Variants in ITGB3BP observed in about 807,000 individuals in gnomAD.
ITGB3BP encodes the protein centromere protein R.
ITGB3BP carries 27 observed loss-of-function variants against 29.1 expected under a neutral mutation model. That is an observed-to-expected ratio of 0.93 (90% CI 0.68 to 1.28). ITGB3BP has a LOEUF of 1.28. Ranked by LOEUF, ITGB3BP falls within the 50% of genes most tolerant of loss-of-function variation. ITGB3BP has a pLI of 0.00. For synonymous variants in ITGB3BP, 61 were observed against 61.4 expected (o/e 0.99, Z 0.03); for missense variants, 192 against 200.2 (o/e 0.96, Z 0.25).
intron 2 of ITGB3BP, among the ~76,000 whole-genome samples, chr1:63,503,094 A>T (rs1024182814): frequency 2.6e-5 from 4 of 152,118 alleles, no homozygotes; most frequent in Non-Finnish European, 4.4e-5. Context: ...CGCCACACTG[A>T]CTTCCACAAT....
intron 2 of ITGB3BP, among the ~76,000 whole-genome samples, chr1:63,499,505 A>T (rs1316329250): frequency 1.3e-5 from 2 of 152,176 alleles, no homozygotes; most frequent in Non-Finnish European, 2.9e-5. Context: ...CTCCAAAAAT[A>T]TGAGGAAACA....
chr1:63,517,893 C>T (rs553522318), intron 1 of ITGB3BP, among the ~76,000 whole-genome samples: 1 of 152,064 alleles, frequency 6.6e-6, no homozygotes, highest in South Asian at 2.1e-4. Flanking sequence ...TGTTAATTTT[C>T]ATATTTTTTC....
At chr1:63,446,913 C>T in intron 7 of ITGB3BP, 57 bp from the exon 8 acceptor site, 1 of 1,241,220 alleles carries the variant, frequency 8.1e-7, no homozygotes. Context: ...CAACTTGCCA[C>T]AGTATATGAT....
intron 7 of ITGB3BP, among the ~76,000 whole-genome samples, chr1:63,453,368 C>G (rs9436234): frequency 0.98 from 148,791 of 152,274 alleles, 72,799 homozygotes; most frequent in Middle Eastern, 1. Context: ...AAAGGTTTTG[C>G]TATTTTACAG....
chr1:63,499,321 G>T (rs1023395814), intron 2 of ITGB3BP, among the ~76,000 whole-genome samples: 3 of 151,930 alleles, frequency 2.0e-5, no homozygotes, highest in African/African-American at 7.3e-5. Flanking sequence ...GGCTAATTTT[G>T]TATTTTTTAG....
rs1270036854 is a variant in ITGB3BP, at chr1:63,473,111, G to A, written c.254+5653C>T. Among the ~76,000 whole-genome samples, 5 of 151,180 alleles carry A rather than the reference G, an allele frequency of 3.3e-5. No individual in the cohort carries two copies. In the East Asian group the frequency reaches 9.9e-4, roughly 30 times the overall value. The stretch of plus-strand genomic sequence containing the variant: ...CCGCCCATCGTCTGAGATGTGGGGA[G>A]CACCTCTGCCCTGCCGCCCTGTCTG... On this transcript the variant is annotated intron_variant, in intron 4 of 8. Transcript: ENST00000271002.
chr1:63,475,795 C>T (rs1485840018), intron 4 of ITGB3BP, among the ~76,000 whole-genome samples: 1 of 151,676 alleles, frequency 6.6e-6, no homozygotes, highest in Non-Finnish European at 1.5e-5. Flanking sequence ...GTCAGGAGTT[C>T]GAGACTAGTC....
Position 63,454,038 on chromosome 1 carries a change from G to T in ITGB3BP, c.428-64C>A. The T allele has an allele frequency of 1.2e-6, 1 of 862,802 alleles. No homozygotes were observed. The highest frequency in any genetic ancestry group is 1.7e-5 in the African/African-American group (1 of 59,092). The allele number at this position is 862,802 out of a possible 1,614,324, so 53.4% of individuals were successfully genotyped here. A position where few individuals can be genotyped will look rare whatever the true frequency, so the allele number is the denominator to read the frequency against. On this transcript the variant is annotated intron_variant, in intron 6 of 8. Coordinates refer to ENST00000271002, the MANE Select transcript of ITGB3BP (RefSeq NM_014288.5). The surrounding 1 kb of genome is among the most constrained non-coding windows in gnomAD (Gnocchi z 4.1). ...GAATATGGATAATTTCTCAATACTT[G>T]CAACAAACAACTTCATGAGAAAAAA...
At chr1:63,485,205 C>A (rs902546622) in intron 3 of ITGB3BP, among the ~76,000 whole-genome samples, 3 of 152,040 alleles carry the variant, frequency 2.0e-5, no homozygotes, top group Non-Finnish European at 4.4e-5. Flanking sequence ...TAAGTGCTTT[C>A]TGTGTATTAA....
chr1:63,463,102 C>T (rs1263178704), intron 4 of ITGB3BP, among the ~76,000 whole-genome samples: 2 of 151,862 alleles, frequency 1.3e-5, no homozygotes, highest in South Asian at 2.1e-4. Context: ...AAAAACTAGC[C>T]AGGCATGGTG....
chr1:63,463,216 T>A (rs1570154037), intron 4 of ITGB3BP, among the ~76,000 whole-genome samples: 2 of 115,922 alleles, frequency 1.7e-5, no homozygotes, highest in Admixed American at 2.6e-4. Context: ...GCCATTGCAC[T>A]CCAGCATGGG....
chr1:63,519,986 A>G (rs1366682363), intron 1 of ITGB3BP, among the ~76,000 whole-genome samples: 1 of 152,146 alleles, frequency 6.6e-6, no homozygotes, highest in Non-Finnish European at 1.5e-5. Flanking sequence ...CATAGCTTGG[A>G]ACAGAATAAA....
rs191511453 is a variant in ITGB3BP, at chr1:63,453,990, A to C, written c.428-16T>G. Reference sequence around the variant, plus strand: ...ACTTTTGTCACTAAAAGAAGTAAAAATCCCATGTCAAGAATTAACATAGAA... The same window carrying C: ...ACTTTTGTCACTAAAAGAAGTAAAACTCCCATGTCAAGAATTAACATAGAA... On this transcript the variant is annotated splice_polypyrimidine_tract_variant and intron_variant, in intron 6 of 8. Transcript: ENST00000271002. The C allele has an allele frequency of 3.1e-4, 455 of 1,489,538 alleles. 1 individual carries two copies. In the African/African-American group the frequency reaches 5.3e-3, roughly 17 times the overall value. The allele number at this position is 1,489,538 out of a possible 1,614,324, so 92.3% of individuals were successfully genotyped here. A position where few individuals can be genotyped will look rare whatever the true frequency, so the allele number is the denominator to read the frequency against.
At chr1:63,463,919 GAA>G (rs1645060987) in intron 4 of ITGB3BP, among the ~76,000 whole-genome samples, 1 of 151,862 alleles carries the variant, frequency 6.6e-6, no homozygotes. Context: ...AAGGCAAAGT[GAA>G]AAGAGTACAT....
chr1:63,454,019 G>T lies in ITGB3BP; in HGVS notation c.428-45C>A. 9.1e-7 allele frequency: 1 copy of T among 1,094,304 alleles called. No individual in the cohort carries two copies. Among genetic ancestry groups the T allele is most frequent in the Non-Finnish European group, 1.4e-6 (1 of 737,386 alleles). 67.8% of individuals were successfully genotyped at this position (1,094,304 alleles called of 1,614,324 possible). ...CATGTCAAGAATTAACATAGAATAT[G>T]GATAATTTCTCAATACTTGCAACAA... On this transcript the variant is annotated intron_variant, in intron 6 of 8. Transcript: ENST00000271002. This position sits in a 1 kb window ranked among gnomAD's most constrained non-coding sequence, Gnocchi z 4.1.
At chr1:63,483,262 T>A (rs1171894458) in intron 3 of ITGB3BP, among the ~76,000 whole-genome samples, 1 of 152,188 alleles carries the variant, frequency 6.6e-6, no homozygotes, top group African/African-American at 2.4e-5. Context: ...TTTAAAAGCA[T>A]AAGCCCTTCC....
chr1:63,467,144 A>C (rs2100561397), intron 4 of ITGB3BP, among the ~76,000 whole-genome samples: 1 of 152,210 alleles, frequency 6.6e-6, no homozygotes, highest in African/African-American at 2.4e-5. Context: ...TGGCCTCCTA[A>C]AGTCCTGGGA....
chr1:63,478,879 T>A (rs1238317965), intron 3 of ITGB3BP, 46 bp from the exon 4 acceptor site: 2 of 683,060 alleles, frequency 2.9e-6, no homozygotes, highest in South Asian at 5.5e-5. Flanking sequence ...AAAGGAGAAA[T>A]CATCAAATTT....
At chr1:63,503,411 G>T (rs1414042023) in intron 2 of ITGB3BP, among the ~76,000 whole-genome samples, 1 of 151,694 alleles carries the variant, frequency 6.6e-6, no homozygotes, top group Non-Finnish European at 1.5e-5. Context: ...CTGGATATTA[G>T]CCCTTTGTCA....
Sources: gnomAD v4.1 joint callset for allele counts (sites outside exome capture counted in the v4.1 genomes callset) on GRCh38, gnomAD v4.1.1 for gene constraint, Gnocchi (gnomAD v3.1) non-coding constraint, MANE v1.5 for transcripts, NCBI Gene and HGNC (gene_info 2026-07-23, HGNC 2026-07-21) for gene names.